The following IMMP2L variants were observed in gnomAD, a reference collection of about 807,000 sequenced individuals.
IMMP2L encodes the protein mitochondrial inner membrane protease subunit 2.
In IMMP2L, 18 loss-of-function variants were observed where a neutral mutation model predicts 19.3. That is an observed-to-expected ratio of 0.93 (90% CI 0.64 to 1.38). IMMP2L has a LOEUF of 1.38. IMMP2L is among the 40% of genes most tolerant of loss of function. IMMP2L has a pLI of 0.00. For synonymous variants in IMMP2L, 76 were observed against 73.0 expected, an observed-to-expected ratio of 1.04 and a Z score of -0.21; for missense variants, 233 against 218.2, an observed-to-expected ratio of 1.07 and a Z score of -0.43.
At chr7:110,724,468 C>G (rs1795766115) in intron 5 of IMMP2L, 1 of 152,134 alleles carries the variant, frequency 6.6e-6, no homozygotes, top group African/African-American at 2.4e-5. Flanking sequence ...CAGGAACATT[C>G]TGGAACCAAA....
At chr7:111,082,393 C>T (rs1795956587) in intron 3 of IMMP2L, among the ~76,000 whole-genome samples, 1 of 152,108 alleles carries the variant, frequency 6.6e-6, no homozygotes, top group Non-Finnish European at 1.5e-5. Context: ...ATAAACGCAC[C>T]TTCTGTCTCA....
At chr7:111,327,149 C>T (rs1356884694) in intron 3 of IMMP2L, among the ~76,000 whole-genome samples, 1 of 151,720 alleles carries the variant, frequency 6.6e-6, no homozygotes, top group Non-Finnish European at 1.5e-5. Flanking sequence ...AGCGCAAATA[C>T]TGCATACATT....
At chr7:110,898,239 A>G (rs1563064331) in intron 4 of IMMP2L, among the ~76,000 whole-genome samples, 1 of 152,034 alleles carries the variant, frequency 6.6e-6, no homozygotes, top group East Asian at 1.9e-4. Flanking sequence ...AAAAAAGAAG[A>G]AAACAAACAC....
intron 3 of IMMP2L, among the ~76,000 whole-genome samples, chr7:111,421,130 G>C (rs10275307): frequency 0.024 from 3,586 of 151,748 alleles, 213 homozygotes; most frequent in African/African-American, 0.082. Flanking sequence ...TCTCATTGTG[G>C]TTTTGATTTG....
At chr7:111,254,756 TA>T (rs993809525) in intron 3 of IMMP2L, among the ~76,000 whole-genome samples, 1 of 152,006 alleles carries the variant, frequency 6.6e-6, no homozygotes, top group Non-Finnish European at 1.5e-5. Flanking sequence ...AACCCTCATA[TA>T]AAAAAAGTCA....
intron 4 of IMMP2L, among the ~76,000 whole-genome samples, chr7:110,940,798 C>T (rs1167081237): frequency 6.6e-6 from 1 of 152,020 alleles, no homozygotes; most frequent in Non-Finnish European, 1.5e-5. Context: ...CCTGAGGTGT[C>T]ATGGGAAAGA....
chr7:111,255,155 C>T (rs2129633146), intron 3 of IMMP2L, among the ~76,000 whole-genome samples: 1 of 152,140 alleles, frequency 6.6e-6, no homozygotes, highest in African/African-American at 2.4e-5. Flanking sequence ...AGCATATCTT[C>T]CCACAGAAAT....
At chr7:110,713,858 C>A (rs985476335) in intron 5 of IMMP2L, among the ~76,000 whole-genome samples, 4 of 152,076 alleles carry the variant, frequency 2.6e-5, no homozygotes, top group African/African-American at 9.7e-5. Flanking sequence ...GGTATACAAT[C>A]ATATCATCAG....
chr7:110,767,792 G>C lies in IMMP2L; in HGVS notation c.409-104071C>G, dbSNP rs149909220. 3.8e-3 allele frequency among the ~76,000 whole-genome samples: 573 copies of C among 152,226 alleles called. 4 individuals are homozygous for C. Among genetic ancestry groups the C allele is most frequent in the Non-Finnish European group, 4.7e-3 (322 of 68,024 alleles). On this transcript the variant is annotated intron_variant, in intron 5 of 5. Transcript: ENST00000405709. Reference sequence around the variant, plus strand: ...AATCTATGCTTCATGCTACAGCCAGGAGGGTTTTTCTAAAGCACAGAATCC... The same window carrying C: ...AATCTATGCTTCATGCTACAGCCAGCAGGGTTTTTCTAAAGCACAGAATCC...
chr7:111,539,043 C>T (rs972121790), intron 1 of IMMP2L, among the ~76,000 whole-genome samples: 2 of 149,418 alleles, frequency 1.3e-5, no homozygotes, highest in Non-Finnish European at 3.0e-5. Context: ...TTGCTTGAAC[C>T]TGAGAGACGG....
intron 5 of IMMP2L, among the ~76,000 whole-genome samples, chr7:110,822,334 A>T (rs1803106715): frequency 6.6e-6 from 1 of 152,038 alleles, no homozygotes; most frequent in Admixed American, 6.6e-5. Flanking sequence ...GACATAAAAG[A>T]TCCTCTGTGA....
In IMMP2L at chr7:110,728,952, G is replaced by A. The variant is rs760025376; in HGVS notation, c.409-65231C>T. On this transcript the variant is annotated intron_variant, in intron 5 of 5. Transcript: ENST00000405709. This position sits in a 1 kb window ranked among gnomAD's most constrained non-coding sequence, Gnocchi z 4.6. ...TTCACCCAGGCTGGACTGCAATGGC[G>A]CGATCTCAGCTCACAGCAACCTCCG... 9.9e-5 allele frequency among the ~76,000 whole-genome samples: 15 copies of A among 152,018 alleles called. No individual in the cohort carries two copies. The highest frequency in any genetic ancestry group is 1.9e-4 in the East Asian group (1 of 5,182).
chr7:110,930,272 T>TA, intron 4 of IMMP2L, among the ~76,000 whole-genome samples: 1 of 152,276 alleles, frequency 6.6e-6, no homozygotes, highest in East Asian at 1.9e-4. Context: ...GTTATCCTCT[T>TA]AGTTTTGTCC....
chr7:110,831,938 T>A (rs921295623), intron 5 of IMMP2L, among the ~76,000 whole-genome samples: 2 of 152,170 alleles, frequency 1.3e-5, no homozygotes, highest in Non-Finnish European at 2.9e-5. Context: ...GGGTTTTTTT[T>A]AAAACTGCTT....
chr7:111,485,064 A>G (rs1478180364), intron 3 of IMMP2L, among the ~76,000 whole-genome samples: 1 of 152,152 alleles, frequency 6.6e-6, no homozygotes, highest in African/African-American at 2.4e-5. Context: ...CCAGGATTAC[A>G]GGCCTGAGCC....
At chr7:110,896,352 T>C (rs1442375322) in intron 4 of IMMP2L, among the ~76,000 whole-genome samples, 1 of 152,182 alleles carries the variant, frequency 6.6e-6, no homozygotes. Context: ...AGTTTACCTA[T>C]TGTTAAATTG....
In IMMP2L at chr7:110,727,762, T is replaced by C. The variant is rs1017193383; in HGVS notation, c.409-64041A>G. 1.3e-5 allele frequency among the ~76,000 whole-genome samples: 2 copies of C among 152,220 alleles called. No individual in the cohort carries two copies. The highest frequency in any genetic ancestry group is 3.8e-4 in the East Asian group (2 of 5,196). On this transcript the variant is annotated intron_variant, in intron 5 of 5. Coordinates refer to ENST00000405709, the MANE Select transcript of IMMP2L (RefSeq NM_032549.4). The surrounding 1 kb of genome is among the most constrained non-coding windows in gnomAD (Gnocchi z 4.3). ...GAAGCTACTGTAGAGAGTATTATTATCTAAGAGAGTCTGGGAAAGTCATGG... is the reference window on the plus strand; with the variant it reads ...GAAGCTACTGTAGAGAGTATTATTACCTAAGAGAGTCTGGGAAAGTCATGG...
intron 5 of IMMP2L, among the ~76,000 whole-genome samples, chr7:110,768,859 A>G (rs1351973151): frequency 6.6e-6 from 1 of 152,172 alleles, no homozygotes; most frequent in African/African-American, 2.4e-5. Context: ...GTTCCTGTTT[A>G]CCCAGCACTA....
chr7:110,760,550 A>G lies in IMMP2L; in HGVS notation c.409-96829T>C, dbSNP rs1001198660. On this transcript the variant is annotated intron_variant, in intron 5 of 5. Transcript: ENST00000405709. This position sits in a 1 kb window ranked among gnomAD's most constrained non-coding sequence, Gnocchi z 4.2. Reference sequence around the variant, plus strand: ...ATATAAAAGAGTTTTTGTTGTCCCCAACTCCCAGGAGGGCAACTGCTGGGA... The same window carrying G: ...ATATAAAAGAGTTTTTGTTGTCCCCGACTCCCAGGAGGGCAACTGCTGGGA... 6.6e-6 allele frequency among the ~76,000 whole-genome samples: 1 copy of G among 152,102 alleles called. No homozygotes were observed. The highest frequency in any genetic ancestry group is 2.4e-5 in the African/African-American group (1 of 41,434).
Sources: allele counts gnomAD v4.1 joint callset (sites outside exome capture counted in the v4.1 genomes callset), GRCh38; gene constraint gnomAD v4.1.1; non-coding constraint Gnocchi (gnomAD v3.1); transcripts MANE v1.5; gene names NCBI Gene and HGNC (gene_info 2026-07-23, HGNC 2026-07-21).